The following XPOT variants were observed in gnomAD, a reference collection of about 807,000 sequenced individuals.
XPOT encodes exportin-T.
XPOT carries 34 observed loss-of-function variants against 128.2 expected under a neutral mutation model. The observed-to-expected ratio is 0.27, with a 90% confidence interval of 0.20 to 0.35. The LOEUF is 0.35. Ranked by LOEUF, XPOT falls within the 10% of genes least tolerant of loss-of-function variation. The probability of loss-of-function intolerance (pLI) is 1.00; values close to 1 mark genes in which losing one functional copy is unlikely to be tolerated. For synonymous variants in XPOT, 348 were observed against 394.3 expected, an observed-to-expected ratio of 0.88 and a Z score of 1.39; for missense variants, 838 against 1,125.3, an observed-to-expected ratio of 0.74 and a Z score of 3.65.
chr12:64,406,048 A>G (rs2039978272), intron 1 of XPOT, among the ~76,000 whole-genome samples: 1 of 152,090 alleles, frequency 6.6e-6, no homozygotes, highest in Non-Finnish European at 1.5e-5. Flanking sequence ...TTCTCCCGAT[A>G]GCTTCAGAGT....
intron 24 of XPOT, among the ~76,000 whole-genome samples, chr12:64,447,060 CAAAG>C (rs1036295317): frequency 8.5e-5 from 13 of 152,092 alleles, no homozygotes; most frequent in African/African-American, 3.1e-4. Flanking sequence ...TGGCAGCAGG[CAAAG>C]AGAGAGCTTG....
intron 4 of XPOT, among the ~76,000 whole-genome samples, 197 bp downstream of exon 4, chr12:64,416,951 G>A (rs766559778): frequency 7.9e-5 from 12 of 152,116 alleles, no homozygotes; most frequent in Non-Finnish European, 1.2e-4. Context: ...GGTGGCTCTC[G>A]CCTGTAATCC....
chr12:64,436,798 C>G (rs571266196), intron 22 of XPOT, among the ~76,000 whole-genome samples: 1 of 152,274 alleles, frequency 6.6e-6, no homozygotes, highest in South Asian at 2.1e-4. Flanking sequence ...CTACACTGGT[C>G]TTGAACTCCT....
chr12:64,408,370 A>G (rs1231974034), intron 1 of XPOT, among the ~76,000 whole-genome samples: 2 of 152,132 alleles, frequency 1.3e-5, no homozygotes, highest in African/African-American at 4.8e-5. Flanking sequence ...GGCCTCCCAA[A>G]GTGCTGGGAT....
At chr12:64,415,253 T>G (rs2040076998) in intron 3 of XPOT, among the ~76,000 whole-genome samples, 1 of 152,070 alleles carries the variant, frequency 6.6e-6, no homozygotes, top group Admixed American at 6.6e-5. Context: ...TGGAATAAAG[T>G]GCAGTAAAAA....
Position 64,418,052 on chromosome 12 carries a change from A to G in XPOT, c.207A>G (p.Ser69=), listed in dbSNP as rs773381331. The G allele has an allele frequency of 4.3e-6, 7 of 1,611,954 alleles. No individual in the cohort carries two copies. The East Asian group carries it at 1.3e-4, about 31-fold the overall frequency. The change falls in exon 5 of 25, where the codon TCA becomes TCG. Residue 69 remains serine (S), a synonymous_variant. Coordinates refer to ENST00000332707, the MANE Select transcript of XPOT (RefSeq NM_007235.6). The part of the protein sequence containing the change: ...VLEHQVKYKY[S]ELTTVQQQLI... ...TCTTCTCTATTTTGAACAGATACTC[A>G]GAACTAACCACTGTTCAACAACAGC...
At position 64,430,121 on chromosome 12, in the gene XPOT, G is replaced by A. The variant is rs957698124; in HGVS notation, c.1810G>A (p.Val604Ile). 5.5e-5 allele frequency: 89 copies of A among 1,613,788 alleles called. No homozygotes were observed. The highest frequency in any genetic ancestry group is 7.5e-5 in the Non-Finnish European group (88 of 1,179,842). The change falls in exon 17 of 25, where the codon GTT becomes ATT. Residue 604 changes from valine to isoleucine, a missense_variant. This residue lies in a region of XPOT where 761 missense variants were observed against 988.3 expected (regional missense o/e 0.77). Coordinates refer to ENST00000332707, the MANE Select transcript of XPOT (RefSeq NM_007235.6). ...TTATGAGACAGCTGGAGTGCTGATT[G>A]TTAATAGTGAATATCCGGCAGAAAG... is the stretch of plus-strand genomic sequence containing the variant. ...FIYETAGVLI[V>I]NSEYPAERKQ...
intron 3 of XPOT, among the ~76,000 whole-genome samples, chr12:64,415,249 A>G (rs2040076931): frequency 6.6e-6 from 1 of 152,104 alleles, no homozygotes; most frequent in South Asian, 2.1e-4. Flanking sequence ...CAGCTGGAAT[A>G]AAGTGCAGTA....
At position 64,430,283 on chromosome 12, in the gene XPOT, G is replaced by A; in HGVS notation, c.1972G>A (p.Ala658Thr). The A allele has an allele frequency of 6.4e-7, 1 of 1,570,784 alleles. No homozygotes were observed. The highest frequency in any genetic ancestry group is 1.2e-5 in the South Asian group (1 of 82,806). The change falls in exon 17 of 25, where the codon GCA becomes ACA. Residue 658 changes from alanine to threonine, a missense_variant. Physicochemically the swap from Ala to Thr is moderately conservative, Grantham distance 58 (BLOSUM62 0). Coordinates refer to ENST00000332707, the MANE Select transcript of XPOT (RefSeq NM_007235.6). ...CTGTCTTAACCATGCTGTTGGATTT[G>A]CAAGGTAAGTGTGATCACAGTTAAA... ...ADCLNHAVGF[A>T]SRTSKAFSNK...
chr12:64,424,088 T>C (rs188759886), intron 11 of XPOT, among the ~76,000 whole-genome samples: 148 of 152,336 alleles, frequency 9.7e-4, no homozygotes, highest in African/African-American at 3.3e-3. Flanking sequence ...ATAGTGGTGC[T>C]GACCAACACA....
chr12:64,435,827 T>C (rs1243259733), intron 22 of XPOT, among the ~76,000 whole-genome samples, 153 bp downstream of exon 22: 1 of 152,228 alleles, frequency 6.6e-6, no homozygotes, highest in Non-Finnish European at 1.5e-5. Flanking sequence ...TATCCATTTA[T>C]TGTCCTTCAT....
intron 23 of XPOT, among the ~76,000 whole-genome samples, chr12:64,440,403 A>G (rs1301145603): frequency 6.6e-6 from 1 of 152,206 alleles, no homozygotes; most frequent in African/African-American, 2.4e-5. Context: ...TTCACATTGT[A>G]AGTGCTACAG....
chr12:64,446,424 G>A (rs1286488770), intron 24 of XPOT, among the ~76,000 whole-genome samples: 1 of 152,122 alleles, frequency 6.6e-6, no homozygotes, highest in Non-Finnish European at 1.5e-5. Flanking sequence ...TTGATCCTCA[G>A]ATCTTGCAGA....
At chr12:64,411,706 T>C (rs750826538) in intron 2 of XPOT, among the ~76,000 whole-genome samples, 20 of 152,210 alleles carry the variant, frequency 1.3e-4, no homozygotes, top group Non-Finnish European at 2.5e-4. Context: ...TCGGGAGTAG[T>C]GGAAACTTAA....
intron 6 of XPOT, among the ~76,000 whole-genome samples, chr12:64,419,308 A>G (rs6581562): frequency 0.9 from 136,465 of 152,146 alleles, 61,442 homozygotes; most frequent in Admixed American, 0.94. Context: ...AAAGTATTAC[A>G]TTACATTTTT....
intron 6 of XPOT, among the ~76,000 whole-genome samples, chr12:64,419,733 T>C (rs920045307): frequency 1.3e-5 from 2 of 152,234 alleles, no homozygotes; most frequent in African/African-American, 4.8e-5. Flanking sequence ...GGAAGAAGCA[T>C]TGCTTAGGAG....
chr12:64,438,048 A>T (rs1365949600), intron 22 of XPOT, among the ~76,000 whole-genome samples: 1 of 152,170 alleles, frequency 6.6e-6, no homozygotes, highest in Non-Finnish European at 1.5e-5. Flanking sequence ...ATAAGAGAAG[A>T]CAGTCTCAAG....
chr12:64,418,992 C>G lies in XPOT; in HGVS notation c.387C>G (p.Leu129=), dbSNP rs1388177807. Residue 129 remains leucine, a synonymous_variant, in exon 6 of 25, where the codon CTC becomes CTG. Transcript: ENST00000332707. The part of the protein sequence containing the change: ...TKWPKFFFDI[L]SVVDLNPRGV... ...GGCCCAAGTTTTTTTTTGACATTCTCTCAGTAGTGGACCTAAATCCAAGGG... is the reference window on the plus strand; with the variant it reads ...GGCCCAAGTTTTTTTTTGACATTCTGTCAGTAGTGGACCTAAATCCAAGGG... The G allele has an allele frequency of 1.2e-6, 2 of 1,613,972 alleles. No homozygotes were observed. The highest frequency in any genetic ancestry group is 1.3e-5 in the African/African-American group (1 of 74,904).
At chr12:64,411,075 A>T (rs1392025400) in intron 2 of XPOT, among the ~76,000 whole-genome samples, 2 of 152,250 alleles carry the variant, frequency 1.3e-5, no homozygotes, top group Non-Finnish European at 2.9e-5. Context: ...TGTCTCTGCT[A>T]CTAAATAAGT....
Sources: allele counts gnomAD v4.1 joint callset (sites outside exome capture counted in the v4.1 genomes callset), GRCh38; gene constraint gnomAD v4.1.1; regional missense constraint gnomAD v4.1.1; transcripts MANE v1.5; gene names NCBI Gene and HGNC (gene_info 2026-07-23, HGNC 2026-07-21).